Variants in TRAPPC9 observed in about 807,000 individuals in gnomAD.
TRAPPC9 encodes the protein IKK2 binding protein.
TRAPPC9 carries 83 observed loss-of-function variants against 124.0 expected under a neutral mutation model. The observed-to-expected ratio is 0.67, with a 90% CI of 0.56 to 0.80. The LOEUF (loss-of-function observed/expected upper bound fraction) is 0.80. TRAPPC9 is among the 30% of genes least tolerant of loss of function. The pLI is 0.00. For missense variants in TRAPPC9, 1,302 were observed against 1,508.3 expected, an observed-to-expected ratio of 0.86 and a Z score of 2.27; for synonymous variants, 638 against 617.5, an observed-to-expected ratio of 1.03 and a Z score of -0.49.
intron 9 of TRAPPC9, among the ~76,000 whole-genome samples, chr8:140,355,380 A>G (rs1441136680): frequency 6.6e-6 from 1 of 152,212 alleles, no homozygotes. Context: ...CTCTTTTCCC[A>G]TCAACCGCCT....
intron 17 of TRAPPC9, among the ~76,000 whole-genome samples, chr8:140,198,174 A>G (rs2062710875): frequency 6.6e-6 from 1 of 152,190 alleles, no homozygotes; most frequent in Non-Finnish European, 1.5e-5. Context: ...GTCCTTGTTC[A>G]TTCCTGGGCA....
chr8:140,438,375 T>C (rs1458067177), intron 3 of TRAPPC9, among the ~76,000 whole-genome samples: 1 of 152,230 alleles, frequency 6.6e-6, no homozygotes, highest in African/African-American at 2.4e-5. Flanking sequence ...TTCCGCTGTA[T>C]GCCCATACCA....
chr8:140,275,929 CAG>C, intron 14 of TRAPPC9, 108 bp from the exon 15 acceptor site: 2 of 920,350 alleles, frequency 2.2e-6, no homozygotes, highest in Non-Finnish European at 3.4e-6. Flanking sequence ...ATTTCAGAAA[CAG>C]GGGCTAGGAA....
Position 140,353,322 on chromosome 8 carries a change from C to A in TRAPPC9, c.1495+6728G>T, listed in dbSNP as rs1036509779. Among the ~76,000 whole-genome samples the A allele has an allele frequency of 4.7e-4, 71 of 152,158 alleles. No individual in the cohort carries two copies. The highest frequency in any genetic ancestry group is 9.2e-4 in the Admixed American group (14 of 15,282). ...CCCCCTCCCATCTCATGGGACCCCC[C>A]CCTTTCGTCACTCCTCAGTCTTTTC... On this transcript the variant is annotated intron_variant, in intron 9 of 22. Coordinates refer to ENST00000438773, the MANE Select transcript of TRAPPC9 (RefSeq NM_001160372.4). This position sits in a 1 kb window ranked among gnomAD's most constrained non-coding sequence, Gnocchi z 4.2.
intron 21 of TRAPPC9, among the ~76,000 whole-genome samples, chr8:139,811,879 G>A (rs888437037): frequency 6.6e-6 from 1 of 152,148 alleles, no homozygotes; most frequent in Non-Finnish European, 1.5e-5. Flanking sequence ...AAAAGCACTA[G>A]AGGATGAGCT....
chr8:140,408,062 A>G (rs2069558591), intron 5 of TRAPPC9, among the ~76,000 whole-genome samples: 1 of 152,234 alleles, frequency 6.6e-6, no homozygotes, highest in African/African-American at 2.4e-5. Context: ...TTCATTCAAC[A>G]AAAGACTAAT....
Position 139,830,313 on chromosome 8 carries a change from CACACATGCAT to C in TRAPPC9, c.3055+55556_3055+55565del, listed in dbSNP as rs1185731327. On this transcript the variant is annotated intron_variant, in intron 21 of 22. Coordinates refer to ENST00000438773, the MANE Select transcript of TRAPPC9 (RefSeq NM_001160372.4). ...CACATGCACACACACTACACATGCA[CACACATGCAT>C]ACACACAAGTGAATATACACACGCA... is the stretch of plus-strand genomic sequence containing the variant. Among the ~76,000 whole-genome samples the C allele has an allele frequency of 6.0e-5, 9 of 150,654 alleles. No individual in the cohort carries two copies. In the East Asian group the frequency reaches 7.9e-4, roughly 13 times the overall value.
intron 20 of TRAPPC9, among the ~76,000 whole-genome samples, chr8:139,894,177 G>A (rs1332405454): frequency 6.6e-6 from 1 of 152,232 alleles, no homozygotes; most frequent in East Asian, 1.9e-4. Flanking sequence ...TTGATTTAGG[G>A]TAAGTTTCTA....
At chr8:140,260,955 A>G (rs991388803) in intron 15 of TRAPPC9, among the ~76,000 whole-genome samples, 1 of 152,182 alleles carries the variant, frequency 6.6e-6, no homozygotes, top group Non-Finnish European at 1.5e-5. Flanking sequence ...AGAAAATATA[A>G]TGGCCAAGCA....
chr8:140,165,592 A>T (rs1291248046), intron 17 of TRAPPC9, among the ~76,000 whole-genome samples: 1 of 97,604 alleles, frequency 1.0e-5, no homozygotes, highest in Non-Finnish European at 1.9e-5. Flanking sequence ...GGAAGGGGGA[A>T]GGAGGGAGGG....
intron 19 of TRAPPC9, among the ~76,000 whole-genome samples, chr8:139,930,616 T>C (rs1475710563): frequency 6.6e-6 from 1 of 152,248 alleles, no homozygotes; most frequent in Non-Finnish European, 1.5e-5. Flanking sequence ...TTGATCCTTC[T>C]AGACCCGTCA....
At position 140,450,981 on chromosome 8, in the gene TRAPPC9, G is replaced by A. The variant is rs151268445; in HGVS notation, c.393C>T (p.Asp131=). 3.5e-5 allele frequency: 57 copies of A among 1,614,136 alleles called. No individual in the cohort carries two copies. In the African/African-American group the frequency reaches 4.0e-4, roughly 11 times the overall value. The part of the protein sequence containing the change: ...QGEIVEQPRT[D]VAFYPNYEDC... Reference sequence around the variant, plus strand: ...CCTCGTAGTTGGGGTAGAAAGCCACGTCGGTGCGCGGCTGCTCCACGATCT... The same window carrying A: ...CCTCGTAGTTGGGGTAGAAAGCCACATCGGTGCGCGGCTGCTCCACGATCT... The change falls in exon 2 of 23, where the codon GAC becomes GAT. Residue 131 remains aspartate (D), a synonymous_variant. Coordinates refer to ENST00000438773, the MANE Select transcript of TRAPPC9 (RefSeq NM_001160372.4).
chr8:140,163,942 A>G (rs111578794), intron 17 of TRAPPC9, among the ~76,000 whole-genome samples: 3,311 of 152,356 alleles, frequency 0.022, 118 homozygotes, highest in African/African-American at 0.074. Flanking sequence ...AGAAACTAAA[A>G]ATATCTCACC....
At chr8:139,908,812 A>G (rs11985415) in intron 20 of TRAPPC9, 99,284 of 152,068 alleles carry the variant, frequency 0.65, 34,494 homozygotes, top group African/African-American at 0.91. Flanking sequence ...ACTTTGTGCC[A>G]AGCTCTGTGG....
At chr8:140,057,699 T>C (rs1400370326) in intron 17 of TRAPPC9, among the ~76,000 whole-genome samples, 1 of 152,212 alleles carries the variant, frequency 6.6e-6, no homozygotes, top group South Asian at 2.1e-4. Context: ...CGGACAGTTG[T>C]GTTCCATAGG....
rs1826962588 is a variant in TRAPPC9, at chr8:139,844,752, TGGAA to T, written c.3055+41123_3055+41126del. On this transcript the variant is annotated intron_variant, in intron 21 of 22. Transcript: ENST00000438773. The stretch of plus-strand genomic sequence containing the variant: ...GAAAATAGAATTGTTTTTCATTTTG[TGGAA>T]GGAAGGGCCACCTCATTCACCAGCT... Among the ~76,000 whole-genome samples, 4 of 152,322 alleles carry T rather than the reference TGGAA, an allele frequency of 2.6e-5. No homozygotes were observed. The South Asian group carries it at 6.2e-4, about 24-fold the overall frequency.
intron 7 of TRAPPC9, among the ~76,000 whole-genome samples, chr8:140,384,251 A>G (rs2068694017): frequency 2.0e-5 from 3 of 152,214 alleles, no homozygotes; most frequent in African/African-American, 7.2e-5. Flanking sequence ...AAACTGCATC[A>G]ATTAACGAGC....
intron 17 of TRAPPC9, among the ~76,000 whole-genome samples, chr8:140,083,438 C>T (rs968954933): frequency 6.6e-6 from 1 of 152,100 alleles, no homozygotes; most frequent in Non-Finnish European, 1.5e-5. Flanking sequence ...TCTGTATTAG[C>T]GCTGAGTGAA....
At chr8:140,426,515 C>A in intron 5 of TRAPPC9, 100 bp downstream of exon 5, 1 of 1,201,550 alleles carries the variant, frequency 8.3e-7, no homozygotes, top group African/African-American at 1.5e-5. Flanking sequence ...CAGAATGTTC[C>A]AAAGATCATC....
Sources: gnomAD v4.1 joint callset for allele counts (sites outside exome capture counted in the v4.1 genomes callset) on GRCh38, gnomAD v4.1.1 for gene constraint, Gnocchi (gnomAD v3.1) non-coding constraint, MANE v1.5 for transcripts, NCBI Gene and HGNC (gene_info 2026-07-23, HGNC 2026-07-21) for gene names.